Variants in TMEM116 observed in about 807,000 individuals in gnomAD.
TMEM116 encodes the protein transmembrane protein 116.
Under a neutral mutation model 44.3 loss-of-function variants are expected in TMEM116, and 38 were observed. The ratio of observed to expected loss-of-function variants is 0.86; its 90% CI spans 0.66 to 1.12. TMEM116 has a LOEUF of 1.12. Among genes scored for constraint, TMEM116 ranks in the 50% most tolerant of loss-of-function variants. TMEM116 has a pLI of 0.00. For missense variants in TMEM116, 354 were observed against 401.7 expected, an observed-to-expected ratio of 0.88 and a Z score of 1.01; for synonymous variants, 132 against 144.8, an observed-to-expected ratio of 0.91 and a Z score of 0.64.
At chr12:112,012,128 A>C (rs975522920) in intron 1 of TMEM116, 6 of 152,312 alleles carry the variant, frequency 3.9e-5, no homozygotes, top group African/African-American at 1.4e-4. Context: ...GCCTGTGCAT[A>C]ATTTTCCCAT....
At chr12:111,958,277 TAAAA>T (rs61637468) in intron 4 of TMEM116, among the ~76,000 whole-genome samples, 1 of 27,512 alleles carries the variant, frequency 3.6e-5, no homozygotes, top group African/African-American at 1.3e-4. Flanking sequence ...CAATAAATAC[TAAAA>T]AAAAAAAAAA....
intron 4 of TMEM116, among the ~76,000 whole-genome samples, chr12:111,988,527 A>G (rs2076355763): frequency 6.6e-6 from 1 of 150,826 alleles, no homozygotes; most frequent in Admixed American, 6.6e-5. Context: ...CCCCATCTCC[A>G]GTAAAATACA....
intron 4 of TMEM116, among the ~76,000 whole-genome samples, chr12:111,990,396 G>A (rs886700491): frequency 6.1e-4 from 93 of 152,242 alleles, no homozygotes; most frequent in African/African-American, 2.2e-3. Context: ...TCAGGTCCAG[G>A]ATTCTAATAC....
At chr12:111,967,031 A>G (rs973735470) in intron 4 of TMEM116, among the ~76,000 whole-genome samples, 1 of 152,202 alleles carries the variant, frequency 6.6e-6, no homozygotes, top group Non-Finnish European at 1.5e-5. Flanking sequence ...CTATTGGTAT[A>G]GTGCTTAGTT....
At chr12:111,940,498 CATATAT>C (rs1385809809) in intron 5 of TMEM116, among the ~76,000 whole-genome samples, 1 of 118,896 alleles carries the variant, frequency 8.4e-6, no homozygotes, top group African/African-American at 3.3e-5. Context: ...CACACACACA[CATATAT>C]ATACACACAT....
chr12:111,997,614 TGAG>T (rs1449170952), intron 3 of TMEM116, among the ~76,000 whole-genome samples: 1 of 152,116 alleles, frequency 6.6e-6, no homozygotes, highest in East Asian at 1.9e-4. Context: ...TTACCTAATA[TGAG>T]AACTAATCTC....
intron 4 of TMEM116, among the ~76,000 whole-genome samples, chr12:111,967,202 A>G (rs575449480): frequency 2.6e-5 from 4 of 152,366 alleles, no homozygotes; most frequent in East Asian, 1.9e-4. Flanking sequence ...AAAAAAATTG[A>G]TAAATATAAA....
At position 111,991,831 on chromosome 12, in the gene TMEM116, G is replaced by A. The variant is rs1168297418; in HGVS notation, c.137C>T (p.Thr46Met). 14 of 1,535,858 alleles carry A rather than the reference G, an allele frequency of 9.1e-6. No individual in the cohort carries two copies. The highest frequency in any genetic ancestry group is 2.0e-5 in the Admixed American group (1 of 50,946). Residue 46 changes from threonine to methionine, a missense_variant, in exon 4 of 11, where the codon ACG (threonine) becomes ATG (methionine). By Grantham distance (81) the Thr-to-Met change is moderately conservative (BLOSUM62 -1). Coordinates refer to ENST00000552374, the MANE Select transcript of TMEM116 (RefSeq NM_001193531.2). ...TGAAGCTCCATAGAGAAGTGTCTCC[G>A]TGAGCCAGCAAAGTCCCAGGAGCAG... Reference protein sequence around the residue: ...CDLLLGLCWLTETLLYGASVA... With the variant: ...CDLLLGLCWLMETLLYGASVA...
rs761114406 is a variant in TMEM116 at position 111,978,101 on chromosome 12, T to TAA, written c.210+13655_210+13656dup. On this transcript the variant is annotated intron_variant, in intron 4 of 10. Transcript: ENST00000552374. Reference sequence around the variant, plus strand: ...AAACATAGTGACTGTTAGAGTAGATTAAAAAAAAAAAAAAGGCCCAGCTAG... The same window carrying TAA: ...AAACATAGTGACTGTTAGAGTAGATTAAAAAAAAAAAAAAAAGGCCCAGCTAG... Among the ~76,000 whole-genome samples the TAA allele has an allele frequency of 7.3e-3, 1,015 of 138,348 alleles. 11 individuals are homozygous for TAA. Among genetic ancestry groups the TAA allele is most frequent in the African/African-American group, 0.026 (977 of 37,882 alleles). 90.8% of individuals were successfully genotyped at this position (138,348 alleles called of 152,430 possible).
intron 1 of TMEM116, chr12:112,005,520 T>G (rs1161349736): frequency 4.3e-6 from 2 of 464,298 alleles, no homozygotes; most frequent in Non-Finnish European, 3.2e-6. Context: ...TGGGAAATAG[T>G]ATGATTTTTT....
At chr12:111,992,742 CTCT>C (rs1346901584) in intron 3 of TMEM116, among the ~76,000 whole-genome samples, 2 of 152,170 alleles carry the variant, frequency 1.3e-5, no homozygotes, top group African/African-American at 4.8e-5. Context: ...TGAAATTTGT[CTCT>C]TCTTATTCTT....
intron 4 of TMEM116, among the ~76,000 whole-genome samples, chr12:111,957,585 G>GC (rs1488228168): frequency 6.8e-6 from 1 of 147,252 alleles, no homozygotes; most frequent in Non-Finnish European, 1.5e-5. Flanking sequence ...GTGGGGGCCA[G>GC]CCCCCGCCCG....
intron 1 of TMEM116, among the ~76,000 whole-genome samples, chr12:112,008,577 C>A (rs1252885375): frequency 1.3e-5 from 2 of 152,056 alleles, no homozygotes; most frequent in Non-Finnish European, 2.9e-5. Context: ...AACACATATT[C>A]ATAAAATTGC....
Position 111,937,261 on chromosome 12 carries a change from T to G in TMEM116, c.366-18A>C, listed in dbSNP as rs1267039455. On this transcript the variant is annotated intron_variant, in intron 6 of 10. Transcript: ENST00000552374. ...GTATCAGGCTGGGAGGGAAAAAAAG[T>G]ATCACCCTAATATCCACTCTTTTTC... 1.3e-6 allele frequency: 2 copies of G among 1,595,676 alleles called. No homozygotes were observed. Among genetic ancestry groups the G allele is most frequent in the Non-Finnish European group, 1.7e-6 (2 of 1,163,702 alleles).
chr12:112,007,180 C>A (rs1388466238), intron 1 of TMEM116, among the ~76,000 whole-genome samples: 1 of 152,094 alleles, frequency 6.6e-6, no homozygotes, highest in Non-Finnish European at 1.5e-5. Flanking sequence ...TTTGGGAGGC[C>A]AAGTCAGGTG....
intron 6 of TMEM116, 146 bp downstream of exon 6, chr12:111,938,015 G>A (rs2072312350): frequency 6.6e-6 from 3 of 456,198 alleles, no homozygotes; most frequent in Non-Finnish European, 1.2e-5. Flanking sequence ...TGGAAGCAAT[G>A]AACACGTATT....
At chr12:111,996,663 G>A (rs1208190337) in intron 3 of TMEM116, among the ~76,000 whole-genome samples, 1 of 152,076 alleles carries the variant, frequency 6.6e-6, no homozygotes, top group Non-Finnish European at 1.5e-5. Context: ...AAATATACTA[G>A]ATAAGCTTAT....
chr12:111,949,296 C>A (rs1055494311), intron 4 of TMEM116, among the ~76,000 whole-genome samples: 20 of 152,202 alleles, frequency 1.3e-4, no homozygotes, highest in African/African-American at 4.8e-4. Flanking sequence ...TATTCTTATT[C>A]TTATAACAAT....
At chr12:111,997,725 G>A (rs1051930771) in intron 3 of TMEM116, among the ~76,000 whole-genome samples, 1 of 152,058 alleles carries the variant, frequency 6.6e-6, no homozygotes, top group Non-Finnish European at 1.5e-5. Flanking sequence ...CAGAAAAAGA[G>A]GTAAGATGCT....
Sources: gnomAD v4.1 joint callset for allele counts (sites outside exome capture counted in the v4.1 genomes callset) on GRCh38, gnomAD v4.1.1 for gene constraint, MANE v1.5 for transcripts, NCBI Gene and HGNC (gene_info 2026-07-23, HGNC 2026-07-21) for gene names.